The following THBS4 variants were observed in gnomAD, a reference collection of about 807,000 sequenced individuals.
THBS4 encodes the protein thrombospondin-4.
Under a neutral mutation model 115.7 loss-of-function variants are expected in THBS4, and 90 were observed. The observed-to-expected ratio is 0.78, with a 90% CI of 0.66 to 0.93. THBS4 has a LOEUF of 0.93. Among genes scored for constraint, THBS4 ranks in the 40% least tolerant of loss-of-function variants. The pLI, the probability that THBS4 is intolerant of heterozygous loss-of-function variation, is 0.00. For synonymous variants in THBS4, 460 were observed against 479.3 expected (o/e 0.96, Z 0.53); for missense variants, 1,087 against 1,232.7 (o/e 0.88, Z 1.77).
chr5:80,081,022 T>TTAAG (rs1221343045), intron 20 of THBS4, among the ~76,000 whole-genome samples: 1 of 152,200 alleles, frequency 6.6e-6, no homozygotes. Flanking sequence ...TTGTTGTTTT[T>TTAAG]TAAGTATTCT....
chr5:80,059,325 C>T lies in THBS4; in HGVS notation c.733-115C>T, dbSNP rs540265198. The T allele has an allele frequency of 7.1e-5, 66 of 935,688 alleles. No individual in the cohort carries two copies. In the African/African-American group the frequency reaches 1.2e-3, roughly 18 times the overall value. The allele number at this position is 935,688 out of a possible 1,614,324, so 58.0% of individuals were successfully genotyped here. A position where few individuals can be genotyped will look rare whatever the true frequency, so the allele number is the denominator to read the frequency against. On this transcript the variant is annotated intron_variant, in intron 5 of 21. Coordinates refer to ENST00000350881, the MANE Select transcript of THBS4 (RefSeq NM_003248.6). ...AGCCTGGGCGACAGACTGAGACTGT[C>T]TCAAAAAAAAAAAAAAAAAAAGTGT... is the stretch of plus-strand genomic sequence containing the variant.
intron 2 of THBS4, among the ~76,000 whole-genome samples, chr5:80,046,702 T>A (rs946436174): frequency 2.0e-5 from 3 of 152,172 alleles, no homozygotes; most frequent in African/African-American, 7.2e-5. Context: ...AGTCGCTTAT[T>A]ATACCTTTCT....
intron 2 of THBS4, among the ~76,000 whole-genome samples, chr5:80,030,042 T>C (rs1026073403): frequency 7.0e-6 from 1 of 142,144 alleles, no homozygotes; most frequent in East Asian, 2.0e-4. Flanking sequence ...ACAGAGACCT[T>C]ATCTGTGCTA....
At chr5:80,078,861 T>G in intron 17 of THBS4, 60 bp from the exon 18 acceptor site, 2 of 1,552,328 alleles carry the variant, frequency 1.3e-6, no homozygotes, top group Non-Finnish European at 1.8e-6. Context: ...GGTTTTGAGC[T>G]TCCTTAAGGT....
At chr5:79,997,507 G>T (rs1489439145) in intron 1 of THBS4, among the ~76,000 whole-genome samples, 2 of 151,872 alleles carry the variant, frequency 1.3e-5, no homozygotes, top group Non-Finnish European at 2.9e-5. Context: ...AATACATGAA[G>T]CAAAAACTGA....
At chr5:79,997,687 C>T (rs1262300760) in intron 1 of THBS4, among the ~76,000 whole-genome samples, 1 of 152,106 alleles carries the variant, frequency 6.6e-6, no homozygotes, top group Non-Finnish European at 1.5e-5. Context: ...CACCCAGTGA[C>T]AGCAGAACAT....
intron 2 of THBS4, among the ~76,000 whole-genome samples, chr5:80,025,120 C>T (rs1319305580): frequency 6.6e-6 from 1 of 152,124 alleles, no homozygotes; most frequent in African/African-American, 2.4e-5. Flanking sequence ...AGACAAAGCT[C>T]CCTATCTGAA....
chr5:80,024,698 T>C (rs1287798630), intron 2 of THBS4, among the ~76,000 whole-genome samples: 2 of 152,192 alleles, frequency 1.3e-5, no homozygotes, highest in Non-Finnish European at 2.9e-5. Flanking sequence ...AATGGCTTTC[T>C]AAAAATACAG....
chr5:80,053,263 A>G (rs1002095527), intron 2 of THBS4: 1 of 151,998 alleles, frequency 6.6e-6, no homozygotes, highest in Admixed American at 6.6e-5. Context: ...TTTAATATTC[A>G]GCTATTCCAT....
At chr5:80,082,960 TGCGGGGCGTCCTGG>T (rs11273406) in intron 21 of THBS4, 106 bp from the exon 22 acceptor site, 173,738 of 896,512 alleles carry the variant, frequency 0.19, 17,059 homozygotes, top group African/African-American at 0.32. Flanking sequence ...GGCGAGGGCC[TGCGGGGCGTCCTGG>T]GCGGGCTAAC....
intron 10 of THBS4, chr5:80,068,771 G>C (rs923061246): frequency 2.6e-5 from 4 of 153,318 alleles, no homozygotes; most frequent in Admixed American, 2.6e-4. Context: ...CTGGGGAGGG[G>C]AGGCTGGGAA....
At chr5:80,031,140 A>G (rs1832580614), upstream of THBS4, among the ~76,000 whole-genome samples, 1 of 152,052 alleles carries the variant, frequency 6.6e-6, no homozygotes, top group African/African-American at 2.4e-5. Context: ...TTTTTGGGGG[A>G]GAGTAAGATG....
Position 80,076,899 on chromosome 5 carries a change from T to G in THBS4, c.1937T>G (p.Val646Gly). The change falls in exon 16 of 22, where the codon GTC becomes GGC. Residue 646 changes from valine (V) to glycine (G), a missense_variant. Around this residue, in one of 3 missense-constraint regions of THBS4, gnomAD observed 979 missense variants for 1,103.7 expected, o/e 0.89. Transcript: ENST00000350881. ...HQDSTDNCPT[V>G]INSAQLDTDK... is the part of the protein sequence containing the mutation. ...GACAGCACAGACAACTGCCCCACCGTCATTAACAGTGCCCAGCTGGACACC... is the reference window on the plus strand; with the variant it reads ...GACAGCACAGACAACTGCCCCACCGGCATTAACAGTGCCCAGCTGGACACC... 1 of 1,611,940 alleles carries G rather than the reference T, an allele frequency of 6.2e-7. No homozygotes were observed. The highest frequency in any genetic ancestry group is 1.3e-5 in the African/African-American group (1 of 75,002).
intron 2 of THBS4, among the ~76,000 whole-genome samples, chr5:80,025,038 G>A (rs1832448219): frequency 1.3e-5 from 2 of 152,048 alleles, no homozygotes; most frequent in African/African-American, 4.8e-5. Context: ...AAAAATTGGT[G>A]CGTTATAATT....
At chr5:80,075,139 T>C (rs914721364) in intron 15 of THBS4, 17 of 152,214 alleles carry the variant, frequency 1.1e-4, no homozygotes, top group Admixed American at 8.5e-4. Flanking sequence ...ACTGCATTGG[T>C]TTCTTATTTG....
chr5:80,029,425 A>G (rs191144702), intron 2 of THBS4, among the ~76,000 whole-genome samples: 3 of 150,664 alleles, frequency 2.0e-5, no homozygotes, highest in African/African-American at 5.0e-5. Context: ...AGTTTGGTAT[A>G]TACATAATTA....
At chr5:80,045,761 C>T (rs2112050621) in intron 2 of THBS4, among the ~76,000 whole-genome samples, 1 of 152,180 alleles carries the variant, frequency 6.6e-6, no homozygotes, top group Admixed American at 6.5e-5. Context: ...AAACTCGCGA[C>T]CTCAGATGAT....
intron 8 of THBS4, among the ~76,000 whole-genome samples, chr5:80,064,083 T>C (rs757020581): frequency 3.9e-5 from 6 of 152,162 alleles, no homozygotes; most frequent in Non-Finnish European, 7.4e-5. Context: ...GAGAACCACC[T>C]TATCAATTAC....
chr5:80,079,297 G>T, intron 19 of THBS4, 39 bp downstream of exon 19: 2 of 1,536,094 alleles, frequency 1.3e-6, no homozygotes, highest in Admixed American at 2.1e-5. Context: ...CCTTTCTTCT[G>T]GACCTCTCAT....
Sources: gnomAD v4.1 joint callset for allele counts (sites outside exome capture counted in the v4.1 genomes callset) on GRCh38, gnomAD v4.1.1 for gene constraint, gnomAD v4.1.1 regional missense constraint, MANE v1.5 for transcripts, NCBI Gene and HGNC (gene_info 2026-07-23, HGNC 2026-07-21) for gene names.